The following CNTNAP2 variants were observed in gnomAD, a reference collection of about 807,000 sequenced individuals.
CNTNAP2 encodes contactin-associated protein-like 2.
In CNTNAP2, 98 loss-of-function variants were observed where a neutral mutation model predicts 155.2. The ratio of observed to expected loss-of-function variants is 0.63; its 90% CI spans 0.54 to 0.75. The LOEUF is 0.75. Ranked by LOEUF, CNTNAP2 falls within the 30% of genes least tolerant of loss-of-function variation. The pLI is 0.00. For synonymous variants in CNTNAP2, 651 were observed against 631.2 expected, an observed-to-expected ratio of 1.03 and a Z score of -0.47; for missense variants, 1,727 against 1,688.1, an observed-to-expected ratio of 1.02 and a Z score of -0.40.
chr7:147,221,500 G>A (rs938933042), intron 8 of CNTNAP2, among the ~76,000 whole-genome samples: 1 of 152,126 alleles, frequency 6.6e-6, no homozygotes, highest in Non-Finnish European at 1.5e-5. Flanking sequence ...TGCTTCTGCT[G>A]TCTCAGGTGC....
chr7:146,580,130 A>G (rs1017285614), intron 1 of CNTNAP2, among the ~76,000 whole-genome samples: 10 of 152,172 alleles, frequency 6.6e-5, no homozygotes, highest in African/African-American at 2.4e-4. Context: ...ATAATCATAT[A>G]TAGCTTTTCT....
At chr7:148,025,592 C>T (rs1176480507) in intron 15 of CNTNAP2, among the ~76,000 whole-genome samples, 4 of 152,240 alleles carry the variant, frequency 2.6e-5, no homozygotes, top group Non-Finnish European at 5.9e-5. Flanking sequence ...CATCAGGCTG[C>T]TATACAAATA....
intron 9 of CNTNAP2, among the ~76,000 whole-genome samples, chr7:147,305,670 C>T (rs1198801120): frequency 6.6e-6 from 1 of 152,140 alleles, no homozygotes; most frequent in East Asian, 1.9e-4. Context: ...GACAATGTGT[C>T]ATTTCAGGAG....
At chr7:147,157,396 A>C (rs1270648164) in intron 8 of CNTNAP2, among the ~76,000 whole-genome samples, 1 of 152,150 alleles carries the variant, frequency 6.6e-6, no homozygotes, top group South Asian at 2.1e-4. Context: ...GGCAAATAAG[A>C]TAGCCTGAAT....
chr7:147,553,325 C>G (rs914533094), intron 11 of CNTNAP2, among the ~76,000 whole-genome samples: 1 of 152,128 alleles, frequency 6.6e-6, no homozygotes, highest in Non-Finnish European at 1.5e-5. Flanking sequence ...ATTAAATGAT[C>G]TCAGGACAAG....
At chr7:146,880,251 C>A (rs908565479) in intron 3 of CNTNAP2, among the ~76,000 whole-genome samples, 1 of 151,888 alleles carries the variant, frequency 6.6e-6, no homozygotes, top group African/African-American at 2.4e-5. Flanking sequence ...GTGATTAGGT[C>A]CTGAAGTTGG....
chr7:148,369,180 CCTTTTTTTTTTTTTTTTT>C (rs1230122456), intron 21 of CNTNAP2, among the ~76,000 whole-genome samples: 80 of 105,136 alleles, frequency 7.6e-4, no homozygotes, highest in African/African-American at 2.8e-3. Context: ...AAATTGAATC[CCTTTTTTTTTTTTTTTTT>C]TTTTTTTTTT....
At chr7:146,454,400 A>T (rs1796525661) in intron 1 of CNTNAP2, among the ~76,000 whole-genome samples, 1 of 152,146 alleles carries the variant, frequency 6.6e-6, no homozygotes, top group Non-Finnish European at 1.5e-5. Flanking sequence ...AGATTTTGCA[A>T]AAGGAACACT....
chr7:147,349,599 T>A (rs1160282866), intron 9 of CNTNAP2, among the ~76,000 whole-genome samples: 6 of 151,884 alleles, frequency 4.0e-5, no homozygotes, highest in African/African-American at 1.4e-4. Context: ...TAGAAATGTA[T>A]GTTATTTGTA....
chr7:146,680,351 A>C (rs1315070312), intron 1 of CNTNAP2, among the ~76,000 whole-genome samples: 1 of 152,196 alleles, frequency 6.6e-6, no homozygotes, highest in East Asian at 1.9e-4. Context: ...TAAAAGCTGA[A>C]TTCTGTTCTT....
intron 1 of CNTNAP2, among the ~76,000 whole-genome samples, chr7:146,566,646 G>A (rs191303856): frequency 2.1e-3 from 315 of 151,974 alleles, no homozygotes; most frequent in African/African-American, 7.2e-3. Context: ...GCAGTGGGCC[G>A]AGATCGCACC....
intron 1 of CNTNAP2, among the ~76,000 whole-genome samples, chr7:146,340,998 A>G (rs1801373754): frequency 6.6e-6 from 1 of 152,210 alleles, no homozygotes; most frequent in South Asian, 2.1e-4. Flanking sequence ...AATTCCTTTT[A>G]TCAGCAAGAA....
intron 1 of CNTNAP2, among the ~76,000 whole-genome samples, chr7:146,307,602 A>G (rs2129089775): frequency 6.6e-6 from 1 of 152,286 alleles, no homozygotes; most frequent in South Asian, 2.1e-4. Flanking sequence ...ACAGTAACCA[A>G]AACAGCATGG....
At chr7:147,985,115 A>AAAAT (rs111265967) in intron 15 of CNTNAP2, among the ~76,000 whole-genome samples, 16,942 of 145,448 alleles carry the variant, frequency 0.12, 1,069 homozygotes, top group African/African-American at 0.17. Flanking sequence ...ACTCTGTCAA[A>AAAAT]AAATAAATAA....
intron 13 of CNTNAP2, among the ~76,000 whole-genome samples, chr7:147,832,531 ATTTTT>A (rs1798566478): frequency 6.9e-6 from 1 of 145,934 alleles, no homozygotes; most frequent in Non-Finnish European, 1.5e-5. Context: ...ATTTCAATAT[ATTTTT>A]ATATTTCAAT....
chr7:146,579,129 G>T (rs568465866), intron 1 of CNTNAP2, among the ~76,000 whole-genome samples: 6 of 152,162 alleles, frequency 3.9e-5, no homozygotes, highest in African/African-American at 1.4e-4. Flanking sequence ...TTACATATTT[G>T]ATCCAACAGA....
chr7:146,120,392 T>C (rs773472731), intron 1 of CNTNAP2, among the ~76,000 whole-genome samples: 20 of 152,172 alleles, frequency 1.3e-4, no homozygotes, highest in Non-Finnish European at 2.6e-4. Flanking sequence ...TCGATTTTAT[T>C]ATAGGCACGG....
chr7:146,617,611 T>A (rs574582980), intron 1 of CNTNAP2, among the ~76,000 whole-genome samples: 40 of 152,316 alleles, frequency 2.6e-4, no homozygotes, highest in African/African-American at 9.6e-4. Context: ...CATGAAGTAT[T>A]TCACATCTAA....
chr7:146,669,845 T>C (rs1453324910), intron 1 of CNTNAP2, among the ~76,000 whole-genome samples: 2 of 49,920 alleles, frequency 4.0e-5, no homozygotes, highest in South Asian at 1.3e-3. Flanking sequence ...CTAAGCAAAT[T>C]TGGAGTTCTA....
Sources: gnomAD v4.1 joint callset for allele counts (sites outside exome capture counted in the v4.1 genomes callset) on GRCh38, gnomAD v4.1.1 for gene constraint, MANE v1.5 for transcripts, NCBI Gene and HGNC (gene_info 2026-07-23, HGNC 2026-07-21) for gene names.